MUSK: variants seen among roughly 807,000 people sequenced by gnomAD.
The protein encoded by MUSK is muscle associated receptor tyrosine kinase, also known as muscle, skeletal receptor tyrosine-protein kinase.
A neutral mutation model predicts 88.7 loss-of-function variants in MUSK; 55 were observed. The observed-to-expected ratio is 0.62, with a 90% CI of 0.50 to 0.78. The LOEUF (loss-of-function observed/expected upper bound fraction) is 0.78. Among genes scored for constraint, MUSK ranks in the 30% least tolerant of loss-of-function variants. The pLI, the probability that MUSK is intolerant of heterozygous loss-of-function variation, is 0.00. For synonymous variants in MUSK, 387 were observed against 391.9 expected, an observed-to-expected ratio of 0.99 and a Z score of 0.15; for missense variants, 1,015 against 1,074.3, an observed-to-expected ratio of 0.94 and a Z score of 0.77.
chr9:110,785,549 A>G lies in MUSK; in HGVS notation c.1609A>G (p.Thr537Ala). The G allele has an allele frequency of 1.2e-6, 2 of 1,611,132 alleles. No homozygotes were observed. Among genetic ancestry groups the G allele is most frequent in the Non-Finnish European group, 1.7e-6 (2 of 1,178,350 alleles). Reference protein sequence around the residue: ...KKRESAAVTLTTLPSELLLDR... With the variant: ...KKRESAAVTLATLPSELLLDR... The stretch of plus-strand genomic sequence containing the variant: ...CAGAGAATCAGCAGCAGTAACCCTC[A>G]CCACACTGCCTTCTGAGCTCTTACT... The change falls in exon 13 of 15, where the codon ACC (threonine) becomes GCC (alanine). Residue 537 changes from threonine to alanine, a missense_variant. By Grantham distance (58) the Thr-to-Ala change is moderately conservative. Coordinates refer to ENST00000374448, the MANE Select transcript of MUSK (RefSeq NM_005592.4).
chr9:110,756,318 A>T (rs1394395687), intron 7 of MUSK, among the ~76,000 whole-genome samples: 1 of 151,872 alleles, frequency 6.6e-6, no homozygotes, highest in Non-Finnish European at 1.5e-5. Context: ...CATAATCCCC[A>T]GTCCTTGATC....
At chr9:110,688,748 G>C (rs1406156066) in intron 3 of MUSK, among the ~76,000 whole-genome samples, 3 of 151,712 alleles carry the variant, frequency 2.0e-5, no homozygotes, top group Non-Finnish European at 4.4e-5. Context: ...GTTTACTGAG[G>C]ATAATGGCTT....
chr9:110,778,102 T>G (rs908388887), intron 11 of MUSK, among the ~76,000 whole-genome samples: 1 of 152,108 alleles, frequency 6.6e-6, no homozygotes, highest in Non-Finnish European at 1.5e-5. Flanking sequence ...CTGAGTAAAC[T>G]CTAAAGAATA....
chr9:110,744,171 G>A (rs2077141755), intron 6 of MUSK, among the ~76,000 whole-genome samples: 1 of 152,160 alleles, frequency 6.6e-6, no homozygotes, highest in Non-Finnish European at 1.5e-5. Flanking sequence ...GTTTCACCAT[G>A]TGAGCCAGGA....
chr9:110,671,165 T>G (rs2075952365), intron 1 of MUSK, among the ~76,000 whole-genome samples: 1 of 151,990 alleles, frequency 6.6e-6, no homozygotes, highest in Admixed American at 6.6e-5. Flanking sequence ...AGAGACAGGG[T>G]TTCACCATGT....
chr9:110,767,751 A>C (rs545091549), intron 8 of MUSK, 69 bp from the exon 9 acceptor site: 12 of 1,595,938 alleles, frequency 7.5e-6, no homozygotes, highest in Non-Finnish European at 9.4e-6. Context: ...AACCAAAAAA[A>C]AAAAGAAAAG....
At chr9:110,797,942 T>C (rs1303240208) in intron 14 of MUSK, among the ~76,000 whole-genome samples, 1 of 152,216 alleles carries the variant, frequency 6.6e-6, no homozygotes, top group Non-Finnish European at 1.5e-5. Context: ...ATGTACAGTT[T>C]TCCAATTTAA....
intron 6 of MUSK, among the ~76,000 whole-genome samples, chr9:110,737,735 C>G (rs2077046749): frequency 6.6e-6 from 1 of 152,136 alleles, no homozygotes; most frequent in African/African-American, 2.4e-5. Flanking sequence ...TCTCTCTTCT[C>G]CACATCCTTT....
chr9:110,770,621 A>T (rs2077559555), intron 9 of MUSK, among the ~76,000 whole-genome samples: 1 of 151,204 alleles, frequency 6.6e-6, no homozygotes, highest in African/African-American at 2.4e-5. Flanking sequence ...CTAAGTTTAT[A>T]CAATTAACTT....
At chr9:110,741,917 A>G (rs2077105449) in intron 6 of MUSK, among the ~76,000 whole-genome samples, 1 of 152,168 alleles carries the variant, frequency 6.6e-6, no homozygotes, top group African/African-American at 2.4e-5. Flanking sequence ...TATCTACACT[A>G]ACACAGACGT....
chr9:110,784,904 T>A lies in MUSK; in HGVS notation c.1474T>A (p.Tyr492Asn), dbSNP rs2077827788. 7 of 1,613,930 alleles carry A rather than the reference T, an allele frequency of 4.3e-6. No homozygotes were observed. The highest frequency in any genetic ancestry group is 1.7e-4 in the Middle Eastern group (1 of 6,060). The change falls in exon 12 of 15, where the codon TAC becomes AAC. Residue 492 changes from tyrosine to asparagine, a missense_variant. Transcript: ENST00000374448. ...SSSSFSVSPT[Y>N]SMTVIISIMS... is the part of the protein sequence containing the mutation. ...TTCTTCCTTCTCTGTCTCACCTACA[T>A]ACTCCATGACTGTAATAATCTCCAT...
At position 110,777,666 on chromosome 9, in the gene MUSK, A is replaced by T. The variant is rs937972209; in HGVS notation, c.1384+1011A>T. 3.2e-4 allele frequency among the ~76,000 whole-genome samples: 49 copies of T among 152,094 alleles called. 1 individual carries two copies. Among genetic ancestry groups the T allele is most frequent in the Non-Finnish European group, 2.2e-4 (15 of 67,954 alleles). On this transcript the variant is annotated intron_variant, in intron 11 of 14. Coordinates refer to ENST00000374448, the MANE Select transcript of MUSK (RefSeq NM_005592.4). ...GCTCTTTGTTATCCATCGATTGCTC[A>T]CTCATCCATTCAAACATTCATTGAG... is the stretch of plus-strand genomic sequence containing the variant.
At chr9:110,762,315 C>A (rs1002293691) in intron 8 of MUSK, 107 bp downstream of exon 8, 4 of 759,012 alleles carry the variant, frequency 5.3e-6, no homozygotes, top group Non-Finnish European at 7.6e-6. Context: ...GGCTGGAGTG[C>A]GGTGGAGTAT....
intron 11 of MUSK, among the ~76,000 whole-genome samples, chr9:110,783,743 T>C (rs1041091236): frequency 1.3e-5 from 2 of 152,028 alleles, no homozygotes; most frequent in Non-Finnish European, 2.9e-5. Context: ...AGTTATTGTT[T>C]CTTACCCAAA....
chr9:110,717,176 GCTT>G (rs2131791423), intron 5 of MUSK, among the ~76,000 whole-genome samples: 1 of 148,808 alleles, frequency 6.7e-6, no homozygotes, highest in Non-Finnish European at 1.5e-5. Context: ...TCTTTTCTCT[GCTT>G]CTTTTTTTAA....
At chr9:110,731,026 A>G (rs2076956531) in intron 5 of MUSK, among the ~76,000 whole-genome samples, 1 of 152,034 alleles carries the variant, frequency 6.6e-6, no homozygotes, top group African/African-American at 2.4e-5. Flanking sequence ...TCAGAATAGG[A>G]TTGAGATACA....
At chr9:110,672,343 A>T (rs986397172) in intron 1 of MUSK, among the ~76,000 whole-genome samples, 2 of 152,200 alleles carry the variant, frequency 1.3e-5, no homozygotes, top group African/African-American at 4.8e-5. Context: ...TGAGAGGATC[A>T]CATGGGCCAT....
chr9:110,697,404 G>A lies in MUSK; in HGVS notation c.566G>A (p.Arg189Gln), dbSNP rs542900379. ...NVQKEDAGQY[R>Q]CVAKNSLGTA... is the part of the protein sequence containing the mutation. The stretch of plus-strand genomic sequence containing the variant: ...CAAAAGGAAGATGCAGGACAGTATC[G>A]ATGTGTGGCAAAAAACAGCCTCGGG... Residue 189 changes from arginine (R) to glutamine (Q), a missense_variant, in exon 5 of 15, where the codon CGA becomes CAA. By Grantham distance (43) the Arg-to-Gln change is conservative. Transcript: ENST00000374448. 8 of 1,612,560 alleles carry A rather than the reference G, an allele frequency of 5.0e-6. No homozygotes were observed. Among genetic ancestry groups the A allele is most frequent in the East Asian group, 4.5e-5 (2 of 44,822 alleles).
intron 1 of MUSK, among the ~76,000 whole-genome samples, chr9:110,676,096 G>A (rs1375804066): frequency 4.0e-5 from 6 of 151,674 alleles, no homozygotes; most frequent in Non-Finnish European, 5.9e-5. Context: ...ATTGCATTTT[G>A]AAAATTAACA....
Sources: gnomAD v4.1 joint callset for allele counts (sites outside exome capture counted in the v4.1 genomes callset) on GRCh38, gnomAD v4.1.1 for gene constraint, MANE v1.5 for transcripts, NCBI Gene and HGNC (gene_info 2026-07-23, HGNC 2026-07-21) for gene names.